Variants in DDX31 observed in about 807,000 individuals in gnomAD.
The protein encoded by DDX31 is ATP-dependent DNA helicase DDX31.
In DDX31, 70 loss-of-function variants were observed where a neutral mutation model predicts 91.3. The observed-to-expected ratio is 0.77, with a 90% CI of 0.63 to 0.94. The LOEUF (loss-of-function observed/expected upper bound fraction) is 0.94. Ranked by LOEUF, DDX31 falls within the 40% of genes least tolerant of loss-of-function variation. The pLI is 0.00. For missense variants in DDX31, 902 were observed against 925.0 expected (o/e 0.98, Z 0.32); for synonymous variants, 362 against 350.6 (o/e 1.03, Z -0.36).
intron 6 of DDX31, chr9:132,658,288 C>T: frequency 1.4e-6 from 1 of 703,234 alleles, no homozygotes; most frequent in Admixed American, 2.0e-5. Context: ...CCATTACTTG[C>T]TGCATGGCCT....
In DDX31 at chr9:132,638,371, T is replaced by C. The variant is rs879268796; in HGVS notation, c.1440+3633A>G. ...CTTAGGGTGAGTTCTTCACTGTAAGTAGGAGGAAATAACATTTTGCAGATA... is the reference window on the plus strand; with the variant it reads ...CTTAGGGTGAGTTCTTCACTGTAAGCAGGAGGAAATAACATTTTGCAGATA... On this transcript the variant is annotated intron_variant, in intron 14 of 19. Coordinates refer to ENST00000372159, the MANE Select transcript of DDX31 (RefSeq NM_022779.9). The C allele has an allele frequency of 5.6e-6, 9 of 1,614,070 alleles. No individual in the cohort carries two copies. The African/African-American group carries it at 6.7e-5, about 12-fold the overall frequency.
intron 6 of DDX31, among the ~76,000 whole-genome samples, chr9:132,652,939 C>A (rs1834303446): frequency 6.6e-6 from 1 of 152,082 alleles, no homozygotes; most frequent in South Asian, 2.1e-4. Context: ...CTTTGTCTTC[C>A]CAGTCTCGGG....
At chr9:132,665,236 T>C (rs1659708455) in intron 1 of DDX31, among the ~76,000 whole-genome samples, 1 of 152,176 alleles carries the variant, frequency 6.6e-6, no homozygotes, top group African/African-American at 2.4e-5. Context: ...ACAATGGAAT[T>C]ATCCCTTTCC....
At chr9:132,646,494 C>T (rs1833846580) in intron 12 of DDX31, among the ~76,000 whole-genome samples, 1 of 152,250 alleles carries the variant, frequency 6.6e-6, no homozygotes, top group East Asian at 1.9e-4. Flanking sequence ...TACACAAATG[C>T]CAAGACTCTT....
At chr9:132,645,525 C>T (rs1277175353) in intron 13 of DDX31, among the ~76,000 whole-genome samples, 3 of 152,130 alleles carry the variant, frequency 2.0e-5, no homozygotes, top group Non-Finnish European at 4.4e-5. Flanking sequence ...TAATTACACA[C>T]TGGGTACTAA....
rs1192671844 is a variant in DDX31, at chr9:132,612,251, C to A, written c.1830G>T (p.Leu610=). The A allele has an allele frequency of 6.2e-7, 1 of 1,614,164 alleles. No individual in the cohort carries two copies. Among genetic ancestry groups the A allele is most frequent in the Non-Finnish European group, 8.5e-7 (1 of 1,180,024 alleles). ...ERRVSWAKKA[L]QSFIQAYATY... ...TGGCGTAGGCTTGGATGAAGGACTG[C>A]AGAGCTGAAAGAAAAGAGAGCGGGG... Residue 610 remains leucine, a synonymous_variant, in exon 19 of 20, where the codon CTG becomes CTT. Coordinates refer to ENST00000372159, the MANE Select transcript of DDX31 (RefSeq NM_022779.9).
intron 19 of DDX31, among the ~76,000 whole-genome samples, chr9:132,603,733 G>A (rs948653697): frequency 4.6e-5 from 7 of 152,282 alleles, no homozygotes; most frequent in Middle Eastern, 3.4e-3. Flanking sequence ...GAATGTGCCC[G>A]TCTCCAGCAT....
At chr9:132,659,813 C>G in intron 4 of DDX31, 33 bp from the exon 5 acceptor site, 2 of 1,603,608 alleles carry the variant, frequency 1.2e-6, no homozygotes, top group Non-Finnish European at 1.7e-6. Flanking sequence ...CACACTTTAC[C>G]TATATTACCC....
chr9:132,596,410 A>T (rs1830436424), intron 19 of DDX31, among the ~76,000 whole-genome samples: 1 of 152,224 alleles, frequency 6.6e-6, no homozygotes, highest in African/African-American at 2.4e-5. Flanking sequence ...CAACCTCTGC[A>T]GGAAAAGAAG....
intron 1 of DDX31, chr9:132,669,502 A>AGT: frequency 8.4e-7 from 1 of 1,195,532 alleles, no homozygotes; most frequent in Non-Finnish European, 1.1e-6. Context: ...GTCCGCACTC[A>AGT]GTCGAGGAAA....
At chr9:132,617,265 C>T (rs1310192868) in intron 18 of DDX31, among the ~76,000 whole-genome samples, 23 of 152,226 alleles carry the variant, frequency 1.5e-4, no homozygotes, top group Non-Finnish European at 3.1e-4. Context: ...CAATGAGGCT[C>T]ACTCTGACCC....
chr9:132,636,844 C>T (rs939469154), intron 14 of DDX31, among the ~76,000 whole-genome samples: 7 of 152,152 alleles, frequency 4.6e-5, no homozygotes, highest in Non-Finnish European at 8.8e-5. Context: ...AACTGGACTG[C>T]TTGCTCCAGT....
rs371143377 is a variant in DDX31 at position 132,669,949 on chromosome 9, A to T, written c.-15T>A. 1.2e-5 allele frequency: 19 copies of T among 1,586,600 alleles called. No homozygotes were observed. The African/African-American group carries it at 2.0e-4, about 17-fold the overall frequency. ...GCGGCTGCCATGGTCTGCGTGGGTG[A>T]CGCGTGGTGCAGCAGCGAGCCCGGT... On this transcript the variant is annotated 5_prime_UTR_variant, in exon 1 of 20. Transcript: ENST00000372159.
At chr9:132,651,446 T>C (rs1437377345) in intron 7 of DDX31, among the ~76,000 whole-genome samples, 2 of 152,086 alleles carry the variant, frequency 1.3e-5, no homozygotes. Context: ...TGAAACAAAG[T>C]AACCTGAATT....
intron 14 of DDX31, chr9:132,638,304 C>T: frequency 6.2e-7 from 1 of 1,613,098 alleles, no homozygotes; most frequent in Admixed American, 1.7e-5. Context: ...ATCAACTCGT[C>T]AACATAATGA....
chr9:132,623,558 AAAAAAAAAAAG>A (rs1477319724), intron 17 of DDX31, among the ~76,000 whole-genome samples: 90 of 151,030 alleles, frequency 6.0e-4, no homozygotes, highest in African/African-American at 1.8e-3. Flanking sequence ...TCTCAAAAAA[AAAAAAAAAAAG>A]AAAAAAAAAA....
At chr9:132,621,810 T>C (rs1832049049) in intron 17 of DDX31, among the ~76,000 whole-genome samples, 2 of 152,252 alleles carry the variant, frequency 1.3e-5, no homozygotes, top group Admixed American at 1.3e-4. Flanking sequence ...GTTGTGTATA[T>C]CTATGTGATA....
rs745411242 is a variant in DDX31 at position 132,646,083 on chromosome 9, C to A, written c.1204-12G>T. ...TGGTCTTCCTCAAACTACATCGATA[C>A]AAAGGGAGGAAAAACCGACATATTT... On this transcript the variant is annotated splice_polypyrimidine_tract_variant and intron_variant, in intron 12 of 19. Coordinates refer to ENST00000372159, the MANE Select transcript of DDX31 (RefSeq NM_022779.9). 2 of 1,606,580 alleles carry A rather than the reference C, an allele frequency of 1.2e-6. No homozygotes were observed. Among genetic ancestry groups the A allele is most frequent in the South Asian group, 2.2e-5 (2 of 90,790 alleles).
intron 6 of DDX31, among the ~76,000 whole-genome samples, chr9:132,653,494 C>CAAAAAAAAAAAAAAAAA (rs71376648): frequency 4.8e-5 from 1 of 20,662 alleles, no homozygotes; most frequent in African/African-American, 8.9e-5. Context: ...AACTCAGTCT[C>CAAAAAAAAAAAAAAAAA]AAAAAAAAAA....
Sources: allele counts gnomAD v4.1 joint callset (sites outside exome capture counted in the v4.1 genomes callset), GRCh38; gene constraint gnomAD v4.1.1; transcripts MANE v1.5; gene names NCBI Gene and HGNC (gene_info 2026-07-23, HGNC 2026-07-21).